The following PRKCE variants were observed in gnomAD, a reference collection of about 807,000 sequenced individuals.
PRKCE encodes the protein protein kinase C epsilon, also known as protein kinase C epsilon type.
Under a neutral mutation model 85.4 loss-of-function variants are expected in PRKCE, and 16 were observed. The ratio of observed to expected loss-of-function variants is 0.19; its 90% CI spans 0.13 to 0.28. The LOEUF (loss-of-function observed/expected upper bound fraction) is 0.28, where lower values mean the gene tolerates loss of function less well. Ranked by LOEUF, PRKCE falls within the 10% of genes least tolerant of loss-of-function variation. The pLI is 1.00. For synonymous variants in PRKCE, 388 were observed against 371.5 expected (o/e 1.04, Z -0.51); for missense variants, 573 against 975.2 (o/e 0.59, Z 5.49).
chr2:46,140,809 A>G (rs1188627969), intron 11 of PRKCE, among the ~76,000 whole-genome samples: 1 of 152,154 alleles, frequency 6.6e-6, no homozygotes, highest in Non-Finnish European at 1.5e-5. Context: ...TTGTTTCCTA[A>G]TATAGAATGA....
intron 11 of PRKCE, among the ~76,000 whole-genome samples, chr2:46,101,842 G>A (rs528451001): frequency 3.7e-4 from 49 of 132,412 alleles, no homozygotes; most frequent in South Asian, 1.8e-3. Context: ...GGTGGTGTAT[G>A]CTGATAAACT....
At chr2:45,775,981 C>T (rs1456611407) in intron 1 of PRKCE, among the ~76,000 whole-genome samples, 1 of 152,200 alleles carries the variant, frequency 6.6e-6, no homozygotes, top group African/African-American at 2.4e-5. Context: ...TGAAACCCCA[C>T]TTCAAATCTT....
chr2:45,914,782 A>G (rs2103864274), intron 2 of PRKCE, among the ~76,000 whole-genome samples: 1 of 152,356 alleles, frequency 6.6e-6, no homozygotes, highest in Middle Eastern at 3.4e-3. Flanking sequence ...GGAAGTAATG[A>G]ATGCCATGTA....
rs563147782 is a variant in PRKCE, at chr2:45,674,121, C to T, written c.348+21673C>T. 5.3e-5 allele frequency among the ~76,000 whole-genome samples: 8 copies of T among 152,224 alleles called. No individual in the cohort carries two copies. The South Asian group carries it at 1.0e-3, about 20-fold the overall frequency. ...TAAAAGCTACTTGCAAAGATGTAAG[C>T]GTGATCATTGGGGTTGACTTGCGGC... On this transcript the variant is annotated intron_variant, in intron 1 of 14. Transcript: ENST00000306156.
At chr2:46,130,263 C>T (rs1331080360) in intron 11 of PRKCE, among the ~76,000 whole-genome samples, 2 of 152,020 alleles carry the variant, frequency 1.3e-5, no homozygotes, top group Admixed American at 6.5e-5. Context: ...GTCATATTTA[C>T]ACTATATGTA....
At position 46,053,903 on chromosome 2, in the gene PRKCE, A is replaced by G. The variant is rs141872248; in HGVS notation, c.1438-32305A>G. On this transcript the variant is annotated intron_variant, in intron 10 of 14. Transcript: ENST00000306156. Reference sequence around the variant, plus strand: ...CCCAGAAGCAGAATTGCTGACTCATATAGTAGTTCTCCTTTTAATTTTTTT... The same window carrying G: ...CCCAGAAGCAGAATTGCTGACTCATGTAGTAGTTCTCCTTTTAATTTTTTT... Among the ~76,000 whole-genome samples, 567 of 152,280 alleles carry G rather than the reference A, an allele frequency of 3.7e-3. 3 individuals carry two copies. Among genetic ancestry groups the G allele is most frequent in the African/African-American group, 0.013 (547 of 41,544 alleles).
At chr2:45,887,506 G>A (rs1048559591) in intron 2 of PRKCE, among the ~76,000 whole-genome samples, 4 of 151,998 alleles carry the variant, frequency 2.6e-5, no homozygotes, top group Non-Finnish European at 5.9e-5. Context: ...GCGGTTTCAG[G>A]AATAAGTACC....
chr2:45,916,905 C>T (rs564550378), intron 2 of PRKCE, among the ~76,000 whole-genome samples: 5 of 152,090 alleles, frequency 3.3e-5, no homozygotes, highest in Non-Finnish European at 7.4e-5. Context: ...CTGGTGGGTT[C>T]GTGGTCTCAC....
chr2:45,939,535 G>A (rs1261587961), intron 2 of PRKCE, among the ~76,000 whole-genome samples: 1 of 151,440 alleles, frequency 6.6e-6, no homozygotes, highest in Non-Finnish European at 1.5e-5. Context: ...TGCAGCAAGT[G>A]ATTCCAATGG....
rs188516170 is a variant in PRKCE at position 45,895,798 on chromosome 2, C to T, written c.412+52735C>T. ...ATCAGCTCAGTGAGGCAGGAATCTA[C>T]GCAGGTGCGCAGGTGTAGAGGAAGT... On this transcript the variant is annotated intron_variant, in intron 2 of 14. Transcript: ENST00000306156. The surrounding 1 kb of genome is among the most constrained non-coding windows in gnomAD (Gnocchi z 4.8). 1.6e-3 allele frequency among the ~76,000 whole-genome samples: 248 copies of T among 152,216 alleles called. No homozygotes were observed. Among genetic ancestry groups the T allele is most frequent in the African/African-American group, 4.7e-3 (197 of 41,528 alleles).
intron 1 of PRKCE, among the ~76,000 whole-genome samples, chr2:45,816,697 C>T (rs1689072698): frequency 6.6e-6 from 1 of 152,120 alleles, no homozygotes; most frequent in African/African-American, 2.4e-5. Context: ...ATTCCTGTAC[C>T]AGGGTATCCC....
intron 1 of PRKCE, among the ~76,000 whole-genome samples, chr2:45,736,036 C>G (rs1186898739): frequency 2.6e-5 from 4 of 152,168 alleles, no homozygotes; most frequent in African/African-American, 7.2e-5. Context: ...TCTCAGCTCA[C>G]TGCAACATCC....
At chr2:46,112,084 A>G (rs1424856009) in intron 11 of PRKCE, among the ~76,000 whole-genome samples, 2 of 152,144 alleles carry the variant, frequency 1.3e-5, no homozygotes, top group Non-Finnish European at 2.9e-5. Context: ...TGTTAGTTGT[A>G]TACCTGTTTA....
At chr2:46,108,343 A>G (rs1358622455) in intron 11 of PRKCE, among the ~76,000 whole-genome samples, 1 of 152,154 alleles carries the variant, frequency 6.6e-6, no homozygotes, top group East Asian at 1.9e-4. Context: ...TAATGAAATC[A>G]TATCTTTTGC....
rs375874472 is a variant in PRKCE, at chr2:45,722,708, A to G, written c.348+70260A>G. ...TCAGGAGTGGTGACAGATTTGGCCC[A>G]TTTCCACTTGGAGTCCTAATCTCAC... On this transcript the variant is annotated intron_variant, in intron 1 of 14. Transcript: ENST00000306156. Among the ~76,000 whole-genome samples the G allele has an allele frequency of 2.0e-4, 30 of 152,330 alleles. 1 individual carries two copies. The highest frequency in any genetic ancestry group is 6.3e-4 in the African/African-American group (26 of 41,564).
intron 1 of PRKCE, among the ~76,000 whole-genome samples, chr2:45,768,887 A>G (rs934027930): frequency 6.6e-6 from 1 of 152,212 alleles, no homozygotes; most frequent in African/African-American, 2.4e-5. Flanking sequence ...GAGGCCCAGA[A>G]CTCAATGGAC....
At chr2:46,094,626 G>A (rs185968923) in intron 11 of PRKCE, among the ~76,000 whole-genome samples, 108 of 151,724 alleles carry the variant, frequency 7.1e-4, no homozygotes, top group Non-Finnish European at 9.4e-4. Context: ...GGGGTCTGTC[G>A]GGGATGGGGT....
rs1705566094 is a variant in PRKCE at position 46,010,430 on chromosome 2, G to A, written c.1350G>A (p.Val450=). 3.1e-6 allele frequency: 5 copies of A among 1,599,624 alleles called. No homozygotes were observed. In the East Asian group the frequency reaches 8.9e-5, roughly 29 times the overall value. Reference sequence around the variant, plus strand: ...ACGTCATCCTTCAGGATGATGACGTGGACTGCACAATGACAGAGAAGAGGA... The same window carrying A: ...ACGTCATCCTTCAGGATGATGACGTAGACTGCACAATGACAGAGAAGAGGA... ...KKDVILQDDD[V]DCTMTEKRIL... The change falls in exon 10 of 15, where the codon GTG becomes GTA. Residue 450 remains valine (V), a synonymous_variant. Transcript: ENST00000306156.
chr2:46,085,735 C>CT (rs1669542203), intron 10 of PRKCE, among the ~76,000 whole-genome samples: 5 of 100,990 alleles, frequency 5.0e-5, no homozygotes, highest in African/African-American at 9.3e-5. Context: ...CTGCAAAATC[C>CT]GTTTTTTTTT....
Sources: gnomAD v4.1 joint callset for allele counts (sites outside exome capture counted in the v4.1 genomes callset) on GRCh38, gnomAD v4.1.1 for gene constraint, Gnocchi (gnomAD v3.1) non-coding constraint, MANE v1.5 for transcripts, NCBI Gene and HGNC (gene_info 2026-07-23, HGNC 2026-07-21) for gene names.